The following TMC2 variants were observed in gnomAD, a reference collection of about 807,000 sequenced individuals.
TMC2 encodes the protein transmembrane channel like 2, also known as transmembrane channel-like protein 2.
Under a neutral mutation model 105.9 loss-of-function variants are expected in TMC2, and 102 were observed. That is an observed-to-expected ratio of 0.96 (90% CI 0.82 to 1.14). The LOEUF is 1.14. Among genes scored for constraint, TMC2 ranks in the 50% most tolerant of loss-of-function variants. TMC2 has a pLI of 0.00. For synonymous variants in TMC2, 402 were observed against 422.8 expected (o/e 0.95, Z 0.60); for missense variants, 1,093 against 1,134.3 (o/e 0.96, Z 0.52).
chr20:2,613,669 A>T (rs992345548), intron 14 of TMC2: 2 of 333,366 alleles, frequency 6.0e-6, no homozygotes, highest in African/African-American at 4.3e-5. Flanking sequence ...CTGAAATCTG[A>T]CAGTGGAGGC....
Position 2,592,203 on chromosome 20 carries a change from T to A in TMC2, c.835-107T>A. On this transcript the variant is annotated intron_variant, in intron 7 of 19. Transcript: ENST00000358864. The surrounding 1 kb of genome is among the most constrained non-coding windows in gnomAD (Gnocchi z 4.9). The stretch of plus-strand genomic sequence containing the variant: ...ATAAATACATAAAGAAAGAAGAAAA[T>A]AGGTGTATTCCGCTCTGAGAAGGAA... 4.7e-6 allele frequency: 3 copies of A among 643,968 alleles called. No individual in the cohort carries two copies. The highest frequency in any genetic ancestry group is 2.7e-5 in the East Asian group (1 of 37,174). The allele number at this position is 643,968 out of a possible 1,614,324, so 39.9% of individuals were successfully genotyped here.
chr20:2,638,811 T>C (rs2086667994), intron 19 of TMC2, among the ~76,000 whole-genome samples: 1 of 152,116 alleles, frequency 6.6e-6, no homozygotes, highest in African/African-American at 2.4e-5. Flanking sequence ...AGGTGGTCAG[T>C]GTATTTGTGT....
In TMC2 at chr20:2,641,288, C is replaced by G. The variant is rs2086687410; in HGVS notation, c.2658C>G (p.Ala886=). 2.5e-6 allele frequency: 4 copies of G among 1,614,100 alleles called. No homozygotes were observed. Among genetic ancestry groups the G allele is most frequent in the Non-Finnish European group, 3.4e-6 (4 of 1,180,012 alleles). ...GAATCGGACCAGATTCTGGCCACGC[C>G]CCATCTCAGACTCATCCGTGGAGGT... is the stretch of plus-strand genomic sequence containing the variant. ...PPGIGPDSGH[A]PSQTHPWRSA... is the part of the protein sequence containing the mutation. Residue 886 remains alanine, a synonymous_variant, in exon 20 of 20, where the codon GCC becomes GCG. Coordinates refer to ENST00000358864, the MANE Select transcript of TMC2 (RefSeq NM_080751.3).
At chr20:2,538,268 G>T (rs2085864980) in intron 2 of TMC2, among the ~76,000 whole-genome samples, 1 of 152,174 alleles carries the variant, frequency 6.6e-6, no homozygotes, top group Admixed American at 6.5e-5. Flanking sequence ...GCAGAGGCTG[G>T]CAGGGGGTGC....
At chr20:2,566,408 T>C (rs529486746) in intron 4 of TMC2, among the ~76,000 whole-genome samples, 2 of 152,344 alleles carry the variant, frequency 1.3e-5, no homozygotes, top group East Asian at 3.9e-4. Flanking sequence ...GAGAAGCATG[T>C]GGACATCATC....
intron 7 of TMC2, among the ~76,000 whole-genome samples, chr20:2,582,784 A>C (rs1392594305): frequency 6.6e-6 from 1 of 152,152 alleles, no homozygotes; most frequent in African/African-American, 2.4e-5. Context: ...CCTTGAACGC[A>C]ACTTTAACGA....
At chr20:2,537,593 A>G (rs1444619065) in intron 2 of TMC2, among the ~76,000 whole-genome samples, 1 of 152,136 alleles carries the variant, frequency 6.6e-6, no homozygotes. Flanking sequence ...TTCACCAGAC[A>G]GAGGGCAGGG....
chr20:2,552,338 T>C (rs1266821862), intron 2 of TMC2, among the ~76,000 whole-genome samples: 6 of 152,218 alleles, frequency 3.9e-5, no homozygotes, highest in African/African-American at 1.2e-4. Flanking sequence ...GAAATCGCAT[T>C]AACTCTATAG....
chr20:2,609,525 A>G (rs578204359), intron 11 of TMC2, among the ~76,000 whole-genome samples: 1 of 152,310 alleles, frequency 6.6e-6, no homozygotes, highest in Admixed American at 6.5e-5. Flanking sequence ...AGCACAAACA[A>G]TAGTAGGCAG....
chr20:2,545,162 A>G (rs1359966339), intron 2 of TMC2, among the ~76,000 whole-genome samples: 1 of 151,946 alleles, frequency 6.6e-6, no homozygotes, highest in African/African-American at 2.4e-5. Flanking sequence ...AGTTATGATG[A>G]CTCCACTACA....
In TMC2 at chr20:2,641,875, T is replaced by C. The variant is rs551761009; in HGVS notation, c.*524T>C. 8.4e-4 allele frequency: 130 copies of C among 154,700 alleles called. No homozygotes were observed. Among genetic ancestry groups the C allele is most frequent in the Non-Finnish European group, 1.6e-3 (109 of 69,796 alleles). The allele number at this position is 154,700 out of a possible 1,614,324, so 9.6% of individuals were successfully genotyped here. ...GGGAGACCAAGGTGGGTGGATCGCT[T>C]GAGCCCAGGAGTTCAAGACCAGCCC... On this transcript the variant is annotated 3_prime_UTR_variant, in exon 20 of 20. Transcript: ENST00000358864.
chr20:2,578,958 G>C (rs866089908), intron 5 of TMC2, among the ~76,000 whole-genome samples, 188 bp from the exon 6 acceptor site: 4 of 152,324 alleles, frequency 2.6e-5, no homozygotes, highest in South Asian at 2.1e-4. Flanking sequence ...CGTTGGGGAA[G>C]TAAAGGTTTG....
At chr20:2,584,306 T>G (rs966266212) in intron 7 of TMC2, among the ~76,000 whole-genome samples, 2 of 145,216 alleles carry the variant, frequency 1.4e-5, no homozygotes, top group Admixed American at 6.6e-5. Context: ...TAGCCGGGCG[T>G]AGTGGCGGGT....
chr20:2,579,949 G>T lies in TMC2; in HGVS notation c.728-1G>T, dbSNP rs6050309. On this transcript the variant is annotated splice_acceptor_variant, in intron 6 of 19. Coordinates refer to ENST00000358864, the MANE Select transcript of TMC2 (RefSeq NM_080751.3). LOFTEE classifies it high-confidence loss of function. The stretch of plus-strand genomic sequence containing the variant: ...ATACCCACCGTCTTTTCTCTCTCTA[G>T]GTCACTTTGGTTCTTCAGTGGCATC... 2.9e-5 allele frequency: 46 copies of T among 1,610,292 alleles called. No individual in the cohort carries two copies. The highest frequency in any genetic ancestry group is 3.8e-5 in the Non-Finnish European group (45 of 1,176,842).
At chr20:2,552,474 T>C (rs1454184705) in intron 2 of TMC2, among the ~76,000 whole-genome samples, 2 of 152,248 alleles carry the variant, frequency 1.3e-5, no homozygotes, top group African/African-American at 2.4e-5. Flanking sequence ...GTCTTCTTCA[T>C]ATAGCTCTTA....
intron 17 of TMC2, 114 bp from the exon 18 acceptor site, chr20:2,635,812 C>G: frequency 1.2e-6 from 1 of 827,960 alleles, no homozygotes; most frequent in East Asian, 2.5e-5. Flanking sequence ...GGACACCCAC[C>G]CAAAGCCTCA....
chr20:2,611,091 T>C (rs532992179), intron 12 of TMC2, among the ~76,000 whole-genome samples: 1 of 152,180 alleles, frequency 6.6e-6, no homozygotes, highest in Non-Finnish European at 1.5e-5. Flanking sequence ...CGCTGTGGGA[T>C]GTGCTTCAGT....
chr20:2,626,596 A>G (rs1277532455), intron 17 of TMC2, among the ~76,000 whole-genome samples: 1 of 152,248 alleles, frequency 6.6e-6, no homozygotes, highest in Non-Finnish European at 1.5e-5. Context: ...CACATGTAAG[A>G]CAGGAGTCAT....
intron 4 of TMC2, among the ~76,000 whole-genome samples, chr20:2,569,522 T>G (rs954374885): frequency 6.6e-6 from 1 of 152,216 alleles, no homozygotes; most frequent in African/African-American, 2.4e-5. Flanking sequence ...CTTAATGGCC[T>G]TTTTGGGGTA....
Sources: gnomAD v4.1 joint callset for allele counts (sites outside exome capture counted in the v4.1 genomes callset) on GRCh38, gnomAD v4.1.1 for gene constraint, Gnocchi (gnomAD v3.1) non-coding constraint, MANE v1.5 for transcripts, NCBI Gene and HGNC (gene_info 2026-07-23, HGNC 2026-07-21) for gene names.